The following AUTS2 variants were observed in gnomAD, a reference collection of about 807,000 sequenced individuals.
The protein encoded by AUTS2 is activator of transcription and developmental regulator AUTS2, also known as autism susceptibility gene 2 protein.
AUTS2 carries 17 observed loss-of-function variants against 112.4 expected under a neutral mutation model. The observed-to-expected ratio is 0.15, with a 90% confidence interval of 0.10 to 0.23. The LOEUF is 0.23. AUTS2 is among the 10% of genes least tolerant of loss of function. AUTS2 has a pLI of 1.00. For missense variants in AUTS2, 1,510 were observed against 1,701.6 expected (o/e 0.89, Z 1.98); for synonymous variants, 751 against 702.7 (o/e 1.07, Z -1.09).
chr7:70,598,770 CT>C (rs894708978), intron 5 of AUTS2, among the ~76,000 whole-genome samples: 14 of 151,964 alleles, frequency 9.2e-5, no homozygotes, highest in Non-Finnish European at 1.8e-4. Flanking sequence ...TCCAAATTCC[CT>C]TTTTTTTCTT....
intron 4 of AUTS2, among the ~76,000 whole-genome samples, chr7:70,426,074 A>G (rs1196857610): frequency 6.6e-6 from 1 of 152,202 alleles, no homozygotes; most frequent in Non-Finnish European, 1.5e-5. Context: ...GGTTTCACAG[A>G]TGGTGTACAG....
intron 4 of AUTS2, among the ~76,000 whole-genome samples, chr7:70,308,914 G>A (rs1457656328): frequency 6.6e-6 from 1 of 152,146 alleles, no homozygotes; most frequent in African/African-American, 2.4e-5. Context: ...ATGGGGCATC[G>A]CCTTTCGGGT....
chr7:70,364,507 G>A lies in AUTS2; in HGVS notation c.661-71245G>A, dbSNP rs1001452721. 3.3e-5 allele frequency among the ~76,000 whole-genome samples: 5 copies of A among 150,874 alleles called. No homozygotes were observed. The East Asian group carries it at 5.9e-4, about 18-fold the overall frequency. On this transcript the variant is annotated intron_variant, in intron 4 of 18. Coordinates refer to ENST00000342771, the MANE Select transcript of AUTS2 (RefSeq NM_015570.4). ...CTTGAACCTGGGAGGCAGAGGTTGC[G>A]GTGAGCCAGGATCACGCCACTGCAC...
chr7:70,087,577 G>C (rs1416431549), intron 2 of AUTS2, among the ~76,000 whole-genome samples: 1 of 151,876 alleles, frequency 6.6e-6, no homozygotes, highest in Non-Finnish European at 1.5e-5. Context: ...TACCATGTTA[G>C]CCAGGATGCT....
chr7:70,724,443 C>CTTTTTTTT lies in AUTS2; in HGVS notation c.742+25836_742+25843dup, dbSNP rs71077675. On this transcript the variant is annotated intron_variant, in intron 6 of 18. Coordinates refer to ENST00000342771, the MANE Select transcript of AUTS2 (RefSeq NM_015570.4). ...AAGAATGATTTTATTTTCATCCTGACTTTTTTTTTTTTTTTTTTTTGAGAC... is the reference window on the plus strand; with the variant it reads ...AAGAATGATTTTATTTTCATCCTGACTTTTTTTTTTTTTTTTTTTTTTTTTTTTGAGAC... 8.1e-4 allele frequency among the ~76,000 whole-genome samples: 82 copies of CTTTTTTTT among 101,368 alleles called. 3 individuals are homozygous for CTTTTTTTT. Among genetic ancestry groups the CTTTTTTTT allele is most frequent in the African/African-American group, 1.7e-3 (50 of 29,032 alleles). The allele number at this position is 101,368 out of a possible 152,430, so 66.5% of individuals were successfully genotyped here.
Position 69,599,590 on chromosome 7 carries a change from T to C in AUTS2, c.-64T>C. On this transcript the variant is annotated 5_prime_UTR_variant, in exon 1 of 19. Coordinates refer to ENST00000342771, the MANE Select transcript of AUTS2 (RefSeq NM_015570.4). This position sits in a 1 kb window ranked among gnomAD's most constrained non-coding sequence, Gnocchi z 7.0. ...GGAGGGAGGGCTCGGTGTCAATTTT[T>C]TTTTGTGTGGCTGCGGCCGTAGCCT... The C allele has an allele frequency of 8.1e-7, 1 of 1,241,244 alleles. No homozygotes were observed. Among genetic ancestry groups the C allele is most frequent in the Non-Finnish European group, 1.0e-6 (1 of 993,116 alleles). The allele number at this position is 1,241,244 out of a possible 1,614,324, so 76.9% of individuals were successfully genotyped here.
intron 3 of AUTS2, among the ~76,000 whole-genome samples, chr7:70,125,604 C>T (rs1040384822): frequency 3.3e-5 from 5 of 152,136 alleles, no homozygotes; most frequent in African/African-American, 9.7e-5. Flanking sequence ...CTGTCTCCTC[C>T]TTATCCTCTG....
intron 14 of AUTS2, among the ~76,000 whole-genome samples, chr7:70,779,773 T>C (rs933083406): frequency 6.6e-6 from 1 of 152,070 alleles, no homozygotes; most frequent in Non-Finnish European, 1.5e-5. Context: ...CTCACTCCTC[T>C]AATCCAAGCA....
intron 1 of AUTS2, among the ~76,000 whole-genome samples, chr7:69,776,475 G>A (rs1788903760): frequency 6.6e-6 from 1 of 152,146 alleles, no homozygotes; most frequent in Admixed American, 6.5e-5. Context: ...GAGTACAGTG[G>A]TTTGATTACA....
At chr7:69,918,200 G>A (rs1795668243) in intron 2 of AUTS2, among the ~76,000 whole-genome samples, 3 of 152,142 alleles carry the variant, frequency 2.0e-5, no homozygotes, top group Admixed American at 2.0e-4. Context: ...ATGTGGCATA[G>A]GGAAAGGAAA....
chr7:70,605,072 A>G (rs1803660553), intron 5 of AUTS2, among the ~76,000 whole-genome samples: 1 of 152,232 alleles, frequency 6.6e-6, no homozygotes, highest in African/African-American at 2.4e-5. Context: ...GCAAATGGTC[A>G]TGATATCTTT....
At chr7:70,765,410 A>G (rs572829337) in intron 8 of AUTS2, among the ~76,000 whole-genome samples, 5 of 152,172 alleles carry the variant, frequency 3.3e-5, no homozygotes, top group East Asian at 3.9e-4. Flanking sequence ...GTTTCTTTTC[A>G]TTGGGCAGGG....
At chr7:70,689,739 G>GCACTCCA (rs780873663) in intron 5 of AUTS2, among the ~76,000 whole-genome samples, 2 of 133,974 alleles carry the variant, frequency 1.5e-5, no homozygotes, top group Non-Finnish European at 3.0e-5. Flanking sequence ...TCACACCACT[G>GCACTCCA]CACTCCAGCC....
chr7:70,750,747 C>T (rs11983416), intron 6 of AUTS2, among the ~76,000 whole-genome samples: 5,890 of 152,308 alleles, frequency 0.039, 366 homozygotes, highest in African/African-American at 0.13. Flanking sequence ...CATACCCAGC[C>T]TCTTTTCTAA....
chr7:70,182,208 C>A (rs540128174), intron 4 of AUTS2, among the ~76,000 whole-genome samples: 185 of 152,314 alleles, frequency 1.2e-3, no homozygotes, highest in African/African-American at 4.3e-3. Context: ...GCTTGCCATT[C>A]AAGAACCATC....
At chr7:70,406,122 C>G (rs1328205323) in intron 4 of AUTS2, among the ~76,000 whole-genome samples, 1 of 152,152 alleles carries the variant, frequency 6.6e-6, no homozygotes, top group Non-Finnish European at 1.5e-5. Context: ...AATAGCAAAT[C>G]TTTAAAGCCA....
At chr7:69,967,033 G>A (rs1797660033) in intron 2 of AUTS2, among the ~76,000 whole-genome samples, 4 of 152,124 alleles carry the variant, frequency 2.6e-5, no homozygotes, top group Admixed American at 2.0e-4. Context: ...AGAAGATGTT[G>A]TTTCAGCTGG....
intron 4 of AUTS2, among the ~76,000 whole-genome samples, chr7:70,410,687 C>A (rs1423784063): frequency 6.6e-6 from 1 of 151,796 alleles, no homozygotes; most frequent in Non-Finnish European, 1.5e-5. Flanking sequence ...TCCAAAAGTG[C>A]CAGGATTACA....
At chr7:69,900,451 A>G (rs568957438) in intron 2 of AUTS2, among the ~76,000 whole-genome samples, 4 of 152,342 alleles carry the variant, frequency 2.6e-5, no homozygotes, top group African/African-American at 4.8e-5. Context: ...AAACAAAACA[A>G]TGGTTCCCAA....
Sources: gnomAD v4.1 joint callset for allele counts (sites outside exome capture counted in the v4.1 genomes callset) on GRCh38, gnomAD v4.1.1 for gene constraint, Gnocchi (gnomAD v3.1) non-coding constraint, MANE v1.5 for transcripts, NCBI Gene and HGNC (gene_info 2026-07-23, HGNC 2026-07-21) for gene names.